The following LRRTM4 variants were observed in gnomAD, a reference collection of about 807,000 sequenced individuals.
LRRTM4 encodes the protein leucine-rich repeat transmembrane neuronal protein 4.
In LRRTM4, 25 loss-of-function variants were observed where a neutral mutation model predicts 47.6. The ratio of observed to expected loss-of-function variants is 0.53; its 90% CI spans 0.38 to 0.73. The LOEUF is 0.73. Among genes scored for constraint, LRRTM4 ranks in the 30% least tolerant of loss-of-function variants. The pLI is 0.00. For synonymous variants in LRRTM4, 311 were observed against 269.5 expected (o/e 1.15, Z -1.51); for missense variants, 638 against 713.4 (o/e 0.89, Z 1.20).
intron 3 of LRRTM4, among the ~76,000 whole-genome samples, chr2:77,115,403 C>A (rs1328689903): frequency 6.6e-6 from 1 of 152,096 alleles, no homozygotes; most frequent in Non-Finnish European, 1.5e-5. Flanking sequence ...TCAATTTGTG[C>A]AATAGTGGTC....
chr2:76,957,207 G>A (rs1347274863), intron 3 of LRRTM4, among the ~76,000 whole-genome samples: 6 of 151,586 alleles, frequency 4.0e-5, no homozygotes, highest in Admixed American at 6.6e-5. Context: ...GTGTTAAAGT[G>A]GTCAAACTCT....
chr2:77,116,856 T>C (rs554423759), intron 3 of LRRTM4, among the ~76,000 whole-genome samples: 10 of 152,128 alleles, frequency 6.6e-5, no homozygotes, highest in Non-Finnish European at 1.5e-4. Flanking sequence ...AACTCAATGA[T>C]GTTGTAGTAA....
chr2:76,915,411 T>C (rs540405294), intron 3 of LRRTM4, among the ~76,000 whole-genome samples: 33 of 152,336 alleles, frequency 2.2e-4, no homozygotes, highest in African/African-American at 7.0e-4. Flanking sequence ...ATGCAAGATT[T>C]ACTTTTAGTA....
chr2:77,381,807 G>A (rs1673063954), intron 3 of LRRTM4, among the ~76,000 whole-genome samples: 1 of 151,878 alleles, frequency 6.6e-6, no homozygotes, highest in South Asian at 2.1e-4. Context: ...ATTTTATGTA[G>A]ATAAAAAGTA....
At chr2:76,841,155 C>G (rs1671663940) in intron 3 of LRRTM4, among the ~76,000 whole-genome samples, 1 of 151,406 alleles carries the variant, frequency 6.6e-6, no homozygotes, top group South Asian at 2.1e-4. Flanking sequence ...AACCACCATT[C>G]TCAGCAAGCT....
intron 3 of LRRTM4, among the ~76,000 whole-genome samples, chr2:76,958,873 AAC>A (rs750710241): frequency 6.6e-6 from 1 of 151,592 alleles, no homozygotes; most frequent in Non-Finnish European, 1.5e-5. Context: ...CACAACCTCA[AAC>A]ACCACCACCC....
chr2:76,860,695 C>T (rs1030892077), intron 3 of LRRTM4, among the ~76,000 whole-genome samples: 4 of 151,956 alleles, frequency 2.6e-5, no homozygotes, highest in African/African-American at 9.7e-5. Flanking sequence ...AGAAACCAGA[C>T]TGTAAATTGA....
intron 3 of LRRTM4, among the ~76,000 whole-genome samples, chr2:76,898,350 A>G (rs986466063): frequency 5.4e-5 from 8 of 148,266 alleles, no homozygotes; most frequent in African/African-American, 2.0e-4. Context: ...TTTGAAAGGT[A>G]AAAAACAGCA....
intron 3 of LRRTM4, among the ~76,000 whole-genome samples, chr2:77,336,091 GGAAGGAAGGAAGGAAA>G (rs1248833370): frequency 7.8e-6 from 1 of 128,296 alleles, no homozygotes; most frequent in African/African-American, 3.4e-5. Flanking sequence ...TATTTTGGAA[GGAAGGAAGGAAGGAAA>G]GAAGGAAAGA....
intron 3 of LRRTM4, among the ~76,000 whole-genome samples, chr2:77,357,624 A>G (rs1396271129): frequency 6.6e-6 from 1 of 152,204 alleles, no homozygotes; most frequent in Non-Finnish European, 1.5e-5. Context: ...GTGTTAAGAC[A>G]AAGGCATTTA....
chr2:77,025,824 A>T (rs1678434841), intron 3 of LRRTM4, among the ~76,000 whole-genome samples: 1 of 152,160 alleles, frequency 6.6e-6, no homozygotes, highest in East Asian at 1.9e-4. Flanking sequence ...CCTCATTTTA[A>T]ATGCCATTTT....
chr2:76,996,968 T>C lies in LRRTM4; in HGVS notation c.1552-248052A>G, dbSNP rs1001069997. ...ACATATCAAGCCTGGCAAATACCTATGCTGAGAAAGAAATGCTGGTCCTCA... is the reference window on the plus strand; with the variant it reads ...ACATATCAAGCCTGGCAAATACCTACGCTGAGAAAGAAATGCTGGTCCTCA... On this transcript the variant is annotated intron_variant, in intron 3 of 3. Coordinates refer to ENST00000409884, the MANE Select transcript of LRRTM4 (RefSeq NM_001134745.3). 2.6e-5 allele frequency among the ~76,000 whole-genome samples: 4 copies of C among 152,086 alleles called. No homozygotes were observed. The East Asian group carries it at 7.7e-4, about 29-fold the overall frequency.
At chr2:77,336,716 C>T (rs1255277159) in intron 3 of LRRTM4, among the ~76,000 whole-genome samples, 1 of 152,032 alleles carries the variant, frequency 6.6e-6, no homozygotes, top group Non-Finnish European at 1.5e-5. Context: ...GAATACACCT[C>T]AAAATAATAA....
intron 3 of LRRTM4, among the ~76,000 whole-genome samples, chr2:76,926,293 TAC>T (rs1198463661): frequency 6.6e-6 from 1 of 152,110 alleles, no homozygotes; most frequent in Non-Finnish European, 1.5e-5. Flanking sequence ...TAAATTGTCT[TAC>T]AAAGAAAAAC....
At chr2:77,151,976 T>C (rs2103786779) in intron 3 of LRRTM4, among the ~76,000 whole-genome samples, 1 of 152,298 alleles carries the variant, frequency 6.6e-6, no homozygotes, top group South Asian at 2.1e-4. Context: ...CTCAAGGAAA[T>C]ACACATGTAG....
intron 3 of LRRTM4, among the ~76,000 whole-genome samples, chr2:76,845,897 C>G (rs1573203017): frequency 6.6e-6 from 1 of 151,970 alleles, no homozygotes. Context: ...AAATCTGGAA[C>G]AAAGGTGATA....
intron 3 of LRRTM4, among the ~76,000 whole-genome samples, chr2:77,000,133 C>A (rs997942425): frequency 6.7e-6 from 1 of 149,590 alleles, no homozygotes; most frequent in Admixed American, 6.8e-5. Context: ...ATGGCTGATA[C>A]GGAGAAAGAG....
In LRRTM4 at chr2:77,290,551, A is replaced by C. The variant is rs995832342; in HGVS notation, c.1551+227767T>G. Among the ~76,000 whole-genome samples the C allele has an allele frequency of 2.0e-5, 3 of 152,006 alleles. No individual in the cohort carries two copies. The East Asian group carries it at 5.8e-4, about 29-fold the overall frequency. ...ATATATCAAAATAACTAAAAGAAAA[A>C]ATGAAATGTTTCAAACACTAAGAAA... On this transcript the variant is annotated intron_variant, in intron 3 of 3. Transcript: ENST00000409884.
At chr2:76,893,943 A>C (rs1039334365) in intron 3 of LRRTM4, among the ~76,000 whole-genome samples, 7 of 152,044 alleles carry the variant, frequency 4.6e-5, no homozygotes, top group African/African-American at 1.4e-4. Flanking sequence ...TTTTCCTCAC[A>C]AACATAAGCA....
Sources: gnomAD v4.1 joint callset for allele counts (sites outside exome capture counted in the v4.1 genomes callset) on GRCh38, gnomAD v4.1.1 for gene constraint, MANE v1.5 for transcripts, NCBI Gene and HGNC (gene_info 2026-07-23, HGNC 2026-07-21) for gene names.